Variants in MBD5 observed in about 807,000 individuals in gnomAD.
MBD5 encodes the protein methyl-CpG-binding domain protein 5.
A neutral mutation model predicts 117.3 loss-of-function variants in MBD5; 13 were observed. That is an observed-to-expected ratio of 0.11 (90% confidence interval 0.07 to 0.18). The LOEUF is 0.18. Among genes scored for constraint, MBD5 ranks in the 10% least tolerant of loss-of-function variants. MBD5 has a pLI of 1.00. For missense variants in MBD5, 1,879 were observed against 2,093.8 expected (o/e 0.90, Z 2.00); for synonymous variants, 727 against 766.4 (o/e 0.95, Z 0.85).
At chr2:148,286,850 C>G (rs2123617) in intron 3 of MBD5, among the ~76,000 whole-genome samples, 143,377 of 152,214 alleles carry the variant, frequency 0.94, 68,068 homozygotes, top group East Asian at 1. Flanking sequence ...GTGGTACTTA[C>G]TTATGAAAAA....
At chr2:148,131,643 A>G (rs1050768579) in intron 1 of MBD5, among the ~76,000 whole-genome samples, 1 of 152,224 alleles carries the variant, frequency 6.6e-6, no homozygotes, top group African/African-American at 2.4e-5. Context: ...GCAGTGAGCT[A>G]TGATTATGCT....
intron 1 of MBD5, among the ~76,000 whole-genome samples, chr2:148,022,849 T>G (rs1693798254): frequency 6.6e-6 from 1 of 152,224 alleles, no homozygotes; most frequent in Non-Finnish European, 1.5e-5. Context: ...ATAACAATAT[T>G]GATAAAAATC....
At chr2:148,111,901 ATAAT>A (rs1354832536) in intron 1 of MBD5, among the ~76,000 whole-genome samples, 3 of 152,188 alleles carry the variant, frequency 2.0e-5, no homozygotes, top group Admixed American at 1.3e-4. Flanking sequence ...ATTAACACAA[ATAAT>A]TAACAGTAAA....
intron 3 of MBD5, among the ~76,000 whole-genome samples, chr2:148,258,308 G>C (rs1442239174): frequency 1.3e-5 from 2 of 152,158 alleles, no homozygotes; most frequent in African/African-American, 4.8e-5. Flanking sequence ...TCAAACAACG[G>C]ATGCCAAGGT....
At chr2:148,171,931 G>A (rs904743079) in intron 1 of MBD5, among the ~76,000 whole-genome samples, 6 of 152,236 alleles carry the variant, frequency 3.9e-5, no homozygotes, top group African/African-American at 1.2e-4. Context: ...TGAGCACTTT[G>A]GGAGGCTGAA....
At position 148,249,981 on chromosome 2, in the gene MBD5, A is replaced by T. The variant is rs1054591492; in HGVS notation, c.-680+16586A>T. On this transcript the variant is annotated intron_variant, in intron 3 of 13. Transcript: ENST00000642680. ...GCCGCAGTTGGAAACTCAGCTTTTA[A>T]CTTTTTTTCCGCTACTTTCTTATTA... 2.7e-5 allele frequency among the ~76,000 whole-genome samples: 4 copies of T among 148,554 alleles called. No homozygotes were observed. The East Asian group carries it at 7.7e-4, about 29-fold the overall frequency.
chr2:148,403,158 A>G (rs1704973356), intron 4 of MBD5, among the ~76,000 whole-genome samples: 1 of 149,010 alleles, frequency 6.7e-6, no homozygotes, highest in African/African-American at 2.5e-5. Flanking sequence ...TATGGAATAC[A>G]ATTATAATAA....
At chr2:148,176,940 T>G (rs1450690685) in intron 1 of MBD5, among the ~76,000 whole-genome samples, 1 of 152,132 alleles carries the variant, frequency 6.6e-6, no homozygotes, top group Non-Finnish European at 1.5e-5. Flanking sequence ...TGTGAGGTTT[T>G]CAGTAAAATT....
At position 148,423,209 on chromosome 2, in the gene MBD5, GCCCAT is replaced by G. The variant is rs1483413440; in HGVS notation, c.-556-34992_-556-34988del. Among the ~76,000 whole-genome samples the G allele has an allele frequency of 1.6e-4, 24 of 152,248 alleles. No individual in the cohort carries two copies. In the South Asian group the frequency reaches 5.0e-3, roughly 32 times the overall value. ...GGGTCGGGTTACCCACCAAAGGGAA[GCCCAT>G]CAGACTAACAGCAGATCTCTCAGCA... On this transcript the variant is annotated intron_variant, in intron 4 of 13. Transcript: ENST00000642680.
At chr2:148,318,255 T>G (rs1253461807) in intron 3 of MBD5, among the ~76,000 whole-genome samples, 1 of 152,196 alleles carries the variant, frequency 6.6e-6, no homozygotes, top group Non-Finnish European at 1.5e-5. Flanking sequence ...GTATATCTGC[T>G]TTTGAATAAT....
At chr2:148,305,634 T>C (rs1490129443) in intron 3 of MBD5, among the ~76,000 whole-genome samples, 4 of 152,186 alleles carry the variant, frequency 2.6e-5, no homozygotes, top group African/African-American at 9.7e-5. Context: ...GCAGGCATGA[T>C]GTCGCCTGCA....
At chr2:148,139,450 C>CCCGAGGCCT (rs554814308) in intron 1 of MBD5, among the ~76,000 whole-genome samples, 5 of 152,186 alleles carry the variant, frequency 3.3e-5, no homozygotes, top group African/African-American at 9.6e-5. Context: ...GGGTGATCTG[C>CCCGAGGCCT]CCGAGGCCTC....
At chr2:148,160,847 T>C (rs1366626307) in intron 1 of MBD5, among the ~76,000 whole-genome samples, 1 of 152,238 alleles carries the variant, frequency 6.6e-6, no homozygotes, top group African/African-American at 2.4e-5. Flanking sequence ...GGCATTTTAT[T>C]TGTACCTCTA....
intron 3 of MBD5, among the ~76,000 whole-genome samples, chr2:148,311,063 T>G (rs1428805005): frequency 6.6e-6 from 1 of 152,130 alleles, no homozygotes; most frequent in Admixed American, 6.6e-5. Flanking sequence ...GTTTTACTTC[T>G]AATTATGTGG....
intron 4 of MBD5, among the ~76,000 whole-genome samples, chr2:148,386,718 CAAAA>C (rs60766324): frequency 3.8e-5 from 4 of 104,234 alleles, no homozygotes; most frequent in African/African-American, 7.3e-5. Context: ...GACTCCGTCT[CAAAA>C]AAAAAAAAAA....
intron 3 of MBD5, among the ~76,000 whole-genome samples, chr2:148,327,443 G>T (rs188258725): frequency 6.6e-6 from 1 of 151,846 alleles, no homozygotes; most frequent in Non-Finnish European, 1.5e-5. Flanking sequence ...TCCTGCAGAG[G>T]GGGGGTTCCA....
chr2:148,440,785 A>G (rs1706295378), intron 4 of MBD5, among the ~76,000 whole-genome samples: 1 of 152,246 alleles, frequency 6.6e-6, no homozygotes, highest in Non-Finnish European at 1.5e-5. Flanking sequence ...AAAGAGGAAT[A>G]AACAGGTAAC....
intron 3 of MBD5, among the ~76,000 whole-genome samples, chr2:148,329,428 T>A (rs1212958044): frequency 6.6e-6 from 1 of 152,228 alleles, no homozygotes; most frequent in Non-Finnish European, 1.5e-5. Flanking sequence ...GTTTATGAAA[T>A]CATCTTTTTA....
At chr2:148,417,030 C>T (rs1318201488) in intron 4 of MBD5, among the ~76,000 whole-genome samples, 2 of 152,160 alleles carry the variant, frequency 1.3e-5, no homozygotes, top group Non-Finnish European at 2.9e-5. Context: ...TCTTTATCCA[C>T]TCATCGGTTG....
Sources: allele counts gnomAD v4.1 joint callset (sites outside exome capture counted in the v4.1 genomes callset), GRCh38; gene constraint gnomAD v4.1.1; transcripts MANE v1.5; gene names NCBI Gene and HGNC (gene_info 2026-07-23, HGNC 2026-07-21).